ZFPM2: variants seen among roughly 807,000 people sequenced by gnomAD.
The protein encoded by ZFPM2 is zinc finger protein ZFPM2.
ZFPM2 carries 20 observed loss-of-function variants against 98.6 expected under a neutral mutation model. The ratio of observed to expected loss-of-function variants is 0.20; its 90% CI spans 0.14 to 0.29. The LOEUF (loss-of-function observed/expected upper bound fraction) is 0.29, where lower values mean the gene tolerates loss of function less well. Ranked by LOEUF, ZFPM2 falls within the 10% of genes least tolerant of loss-of-function variation. The pLI, the probability that ZFPM2 is intolerant of heterozygous loss-of-function variation, is 1.00. For missense variants in ZFPM2, 1,310 were observed against 1,388.6 expected, an observed-to-expected ratio of 0.94 and a Z score of 0.90; for synonymous variants, 518 against 502.7, an observed-to-expected ratio of 1.03 and a Z score of -0.41.
At chr8:105,470,073 T>C (rs1168730764) in intron 3 of ZFPM2, among the ~76,000 whole-genome samples, 1 of 152,232 alleles carries the variant, frequency 6.6e-6, no homozygotes, top group Non-Finnish European at 1.5e-5. Flanking sequence ...TGTCAAATAC[T>C]GTGACTATTT....
chr8:105,756,895 C>T (rs868467736), intron 5 of ZFPM2, among the ~76,000 whole-genome samples: 1 of 152,008 alleles, frequency 6.6e-6, no homozygotes. Flanking sequence ...ATGGCGATGC[C>T]GTGATACCTG....
At chr8:105,507,668 A>G (rs1813730751) in intron 3 of ZFPM2, among the ~76,000 whole-genome samples, 2 of 152,236 alleles carry the variant, frequency 1.3e-5, no homozygotes, top group Non-Finnish European at 2.9e-5. Flanking sequence ...ATGCCCTAAT[A>G]GAATTATACT....
chr8:105,320,256 TTGTGTGTGTGTGTGTGTGTGTG>T (rs71305141), intron 1 of ZFPM2, among the ~76,000 whole-genome samples: 1 of 142,262 alleles, frequency 7.0e-6, no homozygotes, highest in East Asian at 2.1e-4. Context: ...ATTCAGATCT[TTGTGTGTGTGTGTGTGTGTGTG>T]TGTGTGTGTG....
intron 5 of ZFPM2, among the ~76,000 whole-genome samples, chr8:105,669,005 T>C (rs547025248): frequency 6.6e-6 from 1 of 152,194 alleles, no homozygotes; most frequent in Non-Finnish European, 1.5e-5. Context: ...AAATATTTCA[T>C]TGTTTTTTAT....
intron 4 of ZFPM2, among the ~76,000 whole-genome samples, chr8:105,580,057 G>A (rs1282150392): frequency 6.6e-6 from 1 of 152,110 alleles, no homozygotes; most frequent in Non-Finnish European, 1.5e-5. Context: ...AAGGGCTTCA[G>A]TATCTATCTA....
intron 3 of ZFPM2, among the ~76,000 whole-genome samples, chr8:105,480,795 G>C (rs1462068543): frequency 7.4e-5 from 11 of 149,562 alleles, no homozygotes; most frequent in African/African-American, 2.7e-4. Flanking sequence ...CTGCCTCCCA[G>C]TCTGGAGTAC....
chr8:105,711,624 C>T (rs899790846), intron 5 of ZFPM2, among the ~76,000 whole-genome samples: 4 of 151,976 alleles, frequency 2.6e-5, no homozygotes, highest in Non-Finnish European at 5.9e-5. Context: ...TACCACTGTA[C>T]AAGGAGAAAT....
intron 5 of ZFPM2, among the ~76,000 whole-genome samples, chr8:105,751,794 TA>T (rs78079434): frequency 0.011 from 1,478 of 139,590 alleles, 8 homozygotes; most frequent in African/African-American, 0.019. Flanking sequence ...GGTAGATTGT[TA>T]AAAAAAAAAA....
At chr8:105,328,477 T>A (rs1421133189) in intron 1 of ZFPM2, among the ~76,000 whole-genome samples, 3 of 151,842 alleles carry the variant, frequency 2.0e-5, no homozygotes, top group African/African-American at 7.2e-5. Flanking sequence ...CTGCTTTGAA[T>A]TTGAAAATTT....
chr8:105,385,537 C>T (rs1301812229), intron 1 of ZFPM2, among the ~76,000 whole-genome samples: 2 of 152,322 alleles, frequency 1.3e-5, no homozygotes, highest in Middle Eastern at 3.4e-3. Context: ...CCAACTTTCC[C>T]TTTGCTTTGC....
At chr8:105,554,798 G>C (rs1417859931) in intron 3 of ZFPM2, among the ~76,000 whole-genome samples, 1 of 152,076 alleles carries the variant, frequency 6.6e-6, no homozygotes, top group Admixed American at 6.6e-5. Flanking sequence ...GGTGAATTCA[G>C]GTGAAGCATG....
chr8:105,346,677 A>G (rs1812543674), intron 1 of ZFPM2, among the ~76,000 whole-genome samples: 1 of 152,212 alleles, frequency 6.6e-6, no homozygotes, highest in Non-Finnish European at 1.5e-5. Context: ...ATTTACCTGC[A>G]TTATCCTTTT....
chr8:105,434,189 T>C (rs1812075404), intron 2 of ZFPM2, among the ~76,000 whole-genome samples: 1 of 152,064 alleles, frequency 6.6e-6, no homozygotes, highest in Admixed American at 6.5e-5. Context: ...GTTGAAATTC[T>C]TAATTTTTTT....
chr8:105,565,760 A>G (rs1465887748), intron 4 of ZFPM2, among the ~76,000 whole-genome samples: 1 of 152,214 alleles, frequency 6.6e-6, no homozygotes, highest in East Asian at 1.9e-4. Flanking sequence ...TAAAGCAAAA[A>G]GCACTCTTTA....
chr8:105,526,693 T>C (rs1395813203), intron 3 of ZFPM2, among the ~76,000 whole-genome samples: 2 of 152,168 alleles, frequency 1.3e-5, no homozygotes, highest in African/African-American at 4.8e-5. Flanking sequence ...AAACGAAATC[T>C]GTATTTGGGG....
In ZFPM2 at chr8:105,801,290, C is replaced by G. The variant is rs11993776; in HGVS notation, c.1208C>G (p.Ala403Gly). 0.11 allele frequency: 175,317 copies of G among 1,613,686 alleles called. 13,171 individuals carry two copies. The highest frequency in any genetic ancestry group is 0.39 in the African/African-American group (29,226 of 74,870). ...AGTGACATGGAACACTCTCCAAGTG[C>G]AACTGAAGACAGCTTACAGCCAGCC... ...RESDMEHSPS[A>G]TEDSLQPATD... The change falls in exon 8 of 8, where the codon GCA becomes GGA. Residue 403 changes from alanine to glycine, a missense_variant. By Grantham distance (60) the Ala-to-Gly change is moderately conservative. Transcript: ENST00000407775.
chr8:105,676,598 G>T (rs1810475252), intron 5 of ZFPM2, among the ~76,000 whole-genome samples: 2 of 151,890 alleles, frequency 1.3e-5, no homozygotes, highest in Admixed American at 6.6e-5. Flanking sequence ...TGGAAAAAAT[G>T]ACCATTGATT....
chr8:105,419,295 T>C lies in ZFPM2; in HGVS notation c.192T>C (p.Cys64=), dbSNP rs1404513559. Residue 64 remains cysteine (C), a synonymous_variant, in exon 2 of 8, where the codon TGT becomes TGC. Transcript: ENST00000407775. ...GCTGCGAAGAAGTGGAATACTTTTG[T>C]AACAAAGGTAATTGTTGATGGTTGG... The part of the protein sequence containing the change: ...NLSCEEVEYF[C]NKGDDEGIQE... The C allele has an allele frequency of 6.2e-7, 1 of 1,613,154 alleles. No individual in the cohort carries two copies. The highest frequency in any genetic ancestry group is 1.3e-5 in the African/African-American group (1 of 74,912).
chr8:105,608,611 G>A (rs1816245413), intron 4 of ZFPM2, among the ~76,000 whole-genome samples: 2 of 136,726 alleles, frequency 1.5e-5, no homozygotes, highest in South Asian at 2.4e-4. Context: ...TTTAATCAGT[G>A]AGTAACTAAT....
Sources: allele counts gnomAD v4.1 joint callset (sites outside exome capture counted in the v4.1 genomes callset), GRCh38; gene constraint gnomAD v4.1.1; transcripts MANE v1.5; gene names NCBI Gene and HGNC (gene_info 2026-07-23, HGNC 2026-07-21).